ZRANB3: variants seen among roughly 807,000 people sequenced by gnomAD.
The protein encoded by ZRANB3 is DNA annealing helicase and endonuclease ZRANB3.
A neutral mutation model predicts 133.8 loss-of-function variants in ZRANB3; 125 were observed. The observed-to-expected ratio is 0.93, with a 90% CI of 0.81 to 1.08. The LOEUF (loss-of-function observed/expected upper bound fraction) is 1.08, where lower values mean the gene tolerates loss of function less well. Ranked by LOEUF, ZRANB3 falls within the 50% of genes least tolerant of loss-of-function variation. ZRANB3 has a pLI of 0.00. For synonymous variants in ZRANB3, 387 were observed against 432.7 expected (o/e 0.89, Z 1.31); for missense variants, 1,229 against 1,275.5 (o/e 0.96, Z 0.56).
intron 3 of ZRANB3, 125 bp downstream of exon 3, chr2:135,390,677 C>A: frequency 2.4e-6 from 3 of 1,263,656 alleles, no homozygotes; most frequent in Non-Finnish European, 3.2e-6. Context: ...TCCCATCTTT[C>A]TCTCTCTCCC....
Position 135,218,974 on chromosome 2 carries a change from C to A in ZRANB3, c.2352+103G>T, listed in dbSNP as rs144514505. The stretch of plus-strand genomic sequence containing the variant: ...ACCAGTGATTTGACTCTACAACATG[C>A]CACAAAGTGCTTTTTTAAAATTAAA... On this transcript the variant is annotated intron_variant, in intron 16 of 20. Coordinates refer to ENST00000264159, the MANE Select transcript of ZRANB3 (RefSeq NM_032143.4). 531 of 770,150 alleles carry A rather than the reference C, an allele frequency of 6.9e-4. 1 individual carries two copies. In the African/African-American group the frequency reaches 8.0e-3, roughly 12 times the overall value. 47.7% of individuals were successfully genotyped at this position (770,150 alleles called of 1,614,324 possible). A position where few individuals can be genotyped will look rare whatever the true frequency, so the allele number is the denominator to read the frequency against.
chr2:135,444,260 A>T (rs1574112738), intron 2 of ZRANB3, among the ~76,000 whole-genome samples: 1 of 152,202 alleles, frequency 6.6e-6, no homozygotes, highest in Non-Finnish European at 1.5e-5. Context: ...CAACCCAGTA[A>T]TCCTACTCTT....
chr2:135,244,713 G>C (rs1695712005), intron 12 of ZRANB3, among the ~76,000 whole-genome samples: 1 of 152,134 alleles, frequency 6.6e-6, no homozygotes, highest in African/African-American at 2.4e-5. Context: ...CTTTACAGTT[G>C]ATCTTCTTAA....
At chr2:135,235,084 A>G (rs1573728604) in intron 12 of ZRANB3, among the ~76,000 whole-genome samples, 1 of 152,354 alleles carries the variant, frequency 6.6e-6, no homozygotes, top group East Asian at 1.9e-4. Context: ...AATAGACGCA[A>G]TAAAAAATGA....
chr2:135,440,431 A>G (rs892698096), intron 2 of ZRANB3, among the ~76,000 whole-genome samples: 30 of 152,058 alleles, frequency 2.0e-4, no homozygotes, highest in Admixed American at 2.0e-4. Flanking sequence ...CAGATTTTCA[A>G]CTGCGTGAGG....
intron 5 of ZRANB3, among the ~76,000 whole-genome samples, chr2:135,349,087 T>G (rs972186309): frequency 1.3e-5 from 2 of 152,168 alleles, no homozygotes; most frequent in Non-Finnish European, 2.9e-5. Flanking sequence ...ATCATCACTA[T>G]CTATGTACTT....
At chr2:135,361,390 A>G (rs1029133267) in intron 3 of ZRANB3, among the ~76,000 whole-genome samples, 4 of 152,238 alleles carry the variant, frequency 2.6e-5, no homozygotes, top group African/African-American at 7.2e-5. Flanking sequence ...AAAATTGTAA[A>G]TCACCATTTT....
At chr2:135,242,267 T>C (rs1408160616) in intron 12 of ZRANB3, among the ~76,000 whole-genome samples, 1 of 151,710 alleles carries the variant, frequency 6.6e-6, no homozygotes, top group Non-Finnish European at 1.5e-5. Flanking sequence ...GTGGATGTCA[T>C]GCCACATAGA....
At chr2:135,353,124 A>G (rs1685281920) in intron 4 of ZRANB3, among the ~76,000 whole-genome samples, 1 of 152,172 alleles carries the variant, frequency 6.6e-6, no homozygotes, top group Admixed American at 6.6e-5. Context: ...CAATCAATGA[A>G]AAGTTGTGAG....
At chr2:135,353,755 C>T in intron 3 of ZRANB3, 127 bp from the exon 4 acceptor site, 1 of 562,850 alleles carries the variant, frequency 1.8e-6, no homozygotes, top group Non-Finnish European at 2.6e-6. Flanking sequence ...AATCCCAGCA[C>T]TTTGGGAGGC....
At chr2:135,500,756 T>TAA (rs760594100) in intron 2 of ZRANB3, among the ~76,000 whole-genome samples, 18 of 73,652 alleles carry the variant, frequency 2.4e-4, no homozygotes, top group Admixed American at 1.6e-3. Context: ...TACATATCAG[T>TAA]AAAAAAAAAA....
At chr2:135,405,039 G>A (rs1687941305) in intron 2 of ZRANB3, among the ~76,000 whole-genome samples, 1 of 152,102 alleles carries the variant, frequency 6.6e-6, no homozygotes, top group African/African-American at 2.4e-5. Flanking sequence ...TGGATAAAGA[G>A]TCAAGACCCA....
At chr2:135,401,797 C>A (rs536751925) in intron 2 of ZRANB3, among the ~76,000 whole-genome samples, 1 of 152,100 alleles carries the variant, frequency 6.6e-6, no homozygotes, top group African/African-American at 2.4e-5. Flanking sequence ...GAAAATAGTC[C>A]AATATATTTT....
chr2:135,312,240 C>G (rs1406748392), intron 8 of ZRANB3, among the ~76,000 whole-genome samples: 1 of 144,124 alleles, frequency 6.9e-6, no homozygotes, highest in Non-Finnish European at 1.5e-5. Flanking sequence ...GCTCTGTTGC[C>G]AAAGCTGGAG....
Position 135,514,936 on chromosome 2 carries a change from G to A in ZRANB3, c.-7-10440C>T, listed in dbSNP as rs564892787. On this transcript the variant is annotated intron_variant, in intron 1 of 20. Coordinates refer to ENST00000264159, the MANE Select transcript of ZRANB3 (RefSeq NM_032143.4). ...TGGTTATGTTTATGTGATGGATTAC[G>A]TTTACTGATTTGCATATGTTGAACC... Among the ~76,000 whole-genome samples the A allele has an allele frequency of 2.4e-4, 37 of 152,140 alleles. No homozygotes were observed. In the East Asian group the frequency reaches 3.3e-3, roughly 13 times the overall value.
intron 6 of ZRANB3, among the ~76,000 whole-genome samples, chr2:135,334,489 GC>G (rs1371947761): frequency 1.6e-4 from 25 of 152,192 alleles, no homozygotes; most frequent in African/African-American, 4.8e-4. Context: ...CGAACCATTT[GC>G]CAATGGAATA....
rs1030719850 is a variant in ZRANB3 at position 135,483,619 on chromosome 2, C to A, written c.161+20710G>T. Among the ~76,000 whole-genome samples the A allele has an allele frequency of 1.3e-4, 20 of 151,700 alleles. 1 individual carries two copies. The highest frequency in any genetic ancestry group is 1.1e-3 in the Admixed American group (17 of 15,242). ...TTTTGTGTCTCTATTTCCTTCAGTTCTGCTCTGATTTTAATATTTCTTGCC... is the reference window on the plus strand; with the variant it reads ...TTTTGTGTCTCTATTTCCTTCAGTTATGCTCTGATTTTAATATTTCTTGCC... On this transcript the variant is annotated intron_variant, in intron 2 of 20. Transcript: ENST00000264159.
chr2:135,297,539 C>T lies in ZRANB3; in HGVS notation c.966+15950G>A, dbSNP rs575467616. On this transcript the variant is annotated intron_variant, in intron 8 of 20. Transcript: ENST00000264159. Reference sequence around the variant, plus strand: ...CTTGCGCTTCACGGGTGAGGCGATGCCTCGCCCTGCTTTGGCTCATGCACC... The same window carrying T: ...CTTGCGCTTCACGGGTGAGGCGATGTCTCGCCCTGCTTTGGCTCATGCACC... 3.9e-5 allele frequency among the ~76,000 whole-genome samples: 6 copies of T among 152,340 alleles called. No homozygotes were observed. In the East Asian group the frequency reaches 9.6e-4, roughly 24 times the overall value.
intron 14 of ZRANB3, among the ~76,000 whole-genome samples, chr2:135,225,643 T>C (rs373408108): frequency 6.6e-6 from 1 of 152,344 alleles, no homozygotes; most frequent in East Asian, 1.9e-4. Flanking sequence ...ATATGCATTG[T>C]TGCTACTATA....
Sources: allele counts gnomAD v4.1 joint callset (sites outside exome capture counted in the v4.1 genomes callset), GRCh38; gene constraint gnomAD v4.1.1; transcripts MANE v1.5; gene names NCBI Gene and HGNC (gene_info 2026-07-23, HGNC 2026-07-21).